INPP4B: variants seen among roughly 807,000 people sequenced by gnomAD.
The protein encoded by INPP4B is inositol polyphosphate-4-phosphatase type II B, also known as inositol polyphosphate 4-phosphatase type II.
A neutral mutation model predicts 122.5 loss-of-function variants in INPP4B; 55 were observed. That is an observed-to-expected ratio of 0.45 (90% CI 0.36 to 0.56). The LOEUF is 0.56. Ranked by LOEUF, INPP4B falls within the 20% of genes least tolerant of loss-of-function variation. The pLI, the probability that INPP4B is intolerant of heterozygous loss-of-function variation, is 0.00. For missense variants in INPP4B, 1,000 were observed against 1,097.7 expected (o/e 0.91, Z 1.26); for synonymous variants, 403 against 388.7 (o/e 1.04, Z -0.43).
At chr4:142,278,759 C>T (rs1436509784) in intron 9 of INPP4B, among the ~76,000 whole-genome samples, 1 of 151,828 alleles carries the variant, frequency 6.6e-6, no homozygotes, top group Non-Finnish European at 1.5e-5. Flanking sequence ...GGGGGAAGCT[C>T]CAGAAAGTGA....
intron 12 of INPP4B, among the ~76,000 whole-genome samples, chr4:142,235,483 G>A (rs182671590): frequency 6.6e-6 from 1 of 151,966 alleles, no homozygotes; most frequent in Non-Finnish European, 1.5e-5. Context: ...GTGCAGTGGC[G>A]CGATCTCAGC....
At chr4:142,119,629 T>C (rs937971685) in intron 21 of INPP4B, among the ~76,000 whole-genome samples, 6 of 145,132 alleles carry the variant, frequency 4.1e-5, no homozygotes, top group Non-Finnish European at 9.0e-5. Flanking sequence ...GGGTACATCA[T>C]ACATTGGAGT....
intron 2 of INPP4B, among the ~76,000 whole-genome samples, chr4:142,569,463 C>T (rs2150153712): frequency 6.6e-6 from 1 of 152,136 alleles, no homozygotes; most frequent in Admixed American, 6.6e-5. Context: ...ACTGAATTTG[C>T]ATAACAAACA....
chr4:142,433,294 T>C (rs1327376753), intron 3 of INPP4B, among the ~76,000 whole-genome samples: 1 of 152,148 alleles, frequency 6.6e-6, no homozygotes, highest in Non-Finnish European at 1.5e-5. Context: ...TTTTTCACAA[T>C]AATAGATTGT....
In INPP4B at chr4:142,174,178, A is replaced by T. The variant is rs191677485; in HGVS notation, c.1182-369T>A. On this transcript the variant is annotated intron_variant, in intron 15 of 25. Coordinates refer to ENST00000262992, the MANE Select transcript of INPP4B (RefSeq NM_001101669.3). ...TTCCTAATGAACTTGAGGCCACATAAGCCAGTGGGAAAAGATTCAAGCCAA... is the reference window on the plus strand; with the variant it reads ...TTCCTAATGAACTTGAGGCCACATATGCCAGTGGGAAAAGATTCAAGCCAA... Among the ~76,000 whole-genome samples, 735 of 152,220 alleles carry T rather than the reference A, an allele frequency of 4.8e-3. 10 individuals carry two copies. Among genetic ancestry groups the T allele is most frequent in the African/African-American group, 0.017 (694 of 41,554 alleles).
At chr4:142,046,247 C>A (rs1751348876) in intron 25 of INPP4B, among the ~76,000 whole-genome samples, 1 of 152,040 alleles carries the variant, frequency 6.6e-6, no homozygotes. Flanking sequence ...GACAAGATGA[C>A]CTGGAATGCC....
intron 7 of INPP4B, among the ~76,000 whole-genome samples, chr4:142,354,445 G>C (rs1324896903): frequency 2.0e-5 from 3 of 151,970 alleles, no homozygotes; most frequent in Non-Finnish European, 4.4e-5. Flanking sequence ...CACAGACCTG[G>C]AGTTCTTGTC....
intron 2 of INPP4B, among the ~76,000 whole-genome samples, chr4:142,720,893 C>CGTGTGTGT (rs35250436): frequency 7.1e-4 from 79 of 111,254 alleles, no homozygotes; most frequent in Non-Finnish European, 9.8e-4. Context: ...GAGTGCATCT[C>CGTGTGTGT]GTGTGTGTGT....
At chr4:142,784,876 GC>G (rs1352363859) in intron 1 of INPP4B, among the ~76,000 whole-genome samples, 2 of 151,962 alleles carry the variant, frequency 1.3e-5, no homozygotes, top group Non-Finnish European at 2.9e-5. Flanking sequence ...TTCAAAAACA[GC>G]CCCCTTTAGG....
chr4:142,543,233 T>G (rs1829144118), intron 2 of INPP4B, among the ~76,000 whole-genome samples: 1 of 152,172 alleles, frequency 6.6e-6, no homozygotes, highest in Non-Finnish European at 1.5e-5. Context: ...CTCTCTATTT[T>G]AATCACTAAA....
chr4:142,397,992 T>G (rs550167098), intron 7 of INPP4B, among the ~76,000 whole-genome samples: 1 of 151,990 alleles, frequency 6.6e-6, no homozygotes, highest in Non-Finnish European at 1.5e-5. Context: ...GATTTCAGAC[T>G]CGGCCTCCTT....
chr4:142,570,845 A>T (rs1443410112), intron 2 of INPP4B, among the ~76,000 whole-genome samples: 3 of 151,758 alleles, frequency 2.0e-5, no homozygotes, highest in South Asian at 2.1e-4. Context: ...TTTTTGCTAC[A>T]TCTCATCAAC....
chr4:142,275,143 A>G (rs1747775210), intron 9 of INPP4B, among the ~76,000 whole-genome samples: 1 of 151,842 alleles, frequency 6.6e-6, no homozygotes, highest in South Asian at 2.1e-4. Flanking sequence ...TATTTTTAGA[A>G]GACTAAAGGA....
chr4:142,216,787 T>A (rs1847470829), intron 12 of INPP4B, among the ~76,000 whole-genome samples: 1 of 151,984 alleles, frequency 6.6e-6, no homozygotes. Flanking sequence ...GAAAATGAGA[T>A]TAAAAACCAA....
At chr4:142,681,657 G>T (rs1255240845) in intron 2 of INPP4B, among the ~76,000 whole-genome samples, 1 of 151,810 alleles carries the variant, frequency 6.6e-6, no homozygotes, top group African/African-American at 2.4e-5. Context: ...AGGTTTTCAA[G>T]GTAGTGGATG....
chr4:142,584,735 CTT>C (rs1052087615), intron 2 of INPP4B, among the ~76,000 whole-genome samples: 1 of 152,028 alleles, frequency 6.6e-6, no homozygotes, highest in Non-Finnish European at 1.5e-5. Context: ...CTTCTTTTCT[CTT>C]TTCCCTATGG....
At chr4:142,376,501 G>A (rs973981310) in intron 7 of INPP4B, among the ~76,000 whole-genome samples, 20 of 152,114 alleles carry the variant, frequency 1.3e-4, no homozygotes, top group Non-Finnish European at 1.5e-4. Flanking sequence ...TTTGGCATGT[G>A]TTTTCAGATC....
intron 1 of INPP4B, among the ~76,000 whole-genome samples, chr4:142,817,481 G>A (rs781662194): frequency 3.3e-5 from 5 of 152,226 alleles, no homozygotes; most frequent in African/African-American, 7.2e-5. Context: ...ACGTACGGCT[G>A]CATCAGACCT....
chr4:142,365,480 T>C (rs1787106803), intron 7 of INPP4B, among the ~76,000 whole-genome samples: 1 of 152,162 alleles, frequency 6.6e-6, no homozygotes, highest in South Asian at 2.1e-4. Flanking sequence ...TTTGCAGCCC[T>C]TTCAGCAGTA....
Sources: allele counts gnomAD v4.1 joint callset (sites outside exome capture counted in the v4.1 genomes callset), GRCh38; gene constraint gnomAD v4.1.1; transcripts MANE v1.5; gene names NCBI Gene and HGNC (gene_info 2026-07-23, HGNC 2026-07-21).